ALDH1L1: variants seen among roughly 807,000 people sequenced by gnomAD.
ALDH1L1 encodes cytosolic 10-formyltetrahydrofolate dehydrogenase.
ALDH1L1 carries 68 observed loss-of-function variants against 101.1 expected under a neutral mutation model. The ratio of observed to expected loss-of-function variants is 0.67; its 90% confidence interval spans 0.55 to 0.82. The LOEUF (loss-of-function observed/expected upper bound fraction) is 0.82, where lower values mean the gene tolerates loss of function less well. Among genes scored for constraint, ALDH1L1 ranks in the 40% least tolerant of loss-of-function variants. ALDH1L1 has a pLI of 0.00. For missense variants in ALDH1L1, 1,087 were observed against 1,172.7 expected, an observed-to-expected ratio of 0.93 and a Z score of 1.07; for synonymous variants, 486 against 470.8, an observed-to-expected ratio of 1.03 and a Z score of -0.42.
upstream of ALDH1L1, chr3:126,180,736 T>C: frequency 1.4e-6 from 2 of 1,418,726 alleles, no homozygotes; most frequent in East Asian, 2.5e-5. Context: ...GGTCTATAAA[T>C]GCCATGTAAA....
intron 3 of ALDH1L1, among the ~76,000 whole-genome samples, chr3:126,158,152 A>G (rs372233707): frequency 1.2e-4 from 19 of 152,202 alleles, no homozygotes; most frequent in African/African-American, 3.9e-4. Context: ...GAACACTGAC[A>G]GTGCCAGCTT....
chr3:126,119,398 G>A (rs544546494), intron 16 of ALDH1L1, among the ~76,000 whole-genome samples: 5 of 152,172 alleles, frequency 3.3e-5, no homozygotes, highest in Non-Finnish European at 7.3e-5. Flanking sequence ...CTCCATTTCA[G>A]TAAACAACTT....
intron 1 of ALDH1L1, among the ~76,000 whole-genome samples, chr3:126,163,095 G>A (rs1335970522): frequency 6.6e-6 from 1 of 152,190 alleles, no homozygotes; most frequent in East Asian, 1.9e-4. Flanking sequence ...CTACCTAGTA[G>A]TTGTGAAGTG....
At chr3:126,114,448 C>T (rs1946172445) in intron 18 of ALDH1L1, 109 bp downstream of exon 18, 1 of 894,382 alleles carries the variant, frequency 1.1e-6, no homozygotes, top group African/African-American at 1.7e-5. Context: ...ATGGACTCCA[C>T]CAGGGCTACA....
intron 1 of ALDH1L1, among the ~76,000 whole-genome samples, chr3:126,188,182 T>TGTGCG (rs2108352781): frequency 6.6e-6 from 1 of 152,388 alleles, no homozygotes; most frequent in South Asian, 2.1e-4. Context: ...CAACGCAGGT[T>TGTGCG]GGACCTGTGC....
At position 126,110,427 on chromosome 3, in the gene ALDH1L1, C is replaced by T. The variant is rs77728363; in HGVS notation, c.2182-318G>A. 2,352 of 358,676 alleles carry T rather than the reference C, an allele frequency of 6.6e-3. 52 individuals carry two copies. Among genetic ancestry groups the T allele is most frequent in the African/African-American group, 0.044 (2,141 of 48,522 alleles). The allele number at this position is 358,676 out of a possible 1,614,324, so 22.2% of individuals were successfully genotyped here. ...AGTTGAGATGGGGCTCAATACAACA[C>T]GTATCTGACTCTGGTCCTGCACCAG... On this transcript the variant is annotated intron_variant, in intron 19 of 22. Coordinates refer to ENST00000393434, the MANE Select transcript of ALDH1L1 (RefSeq NM_012190.4).
chr3:126,143,193 T>C (rs1234052905), intron 9 of ALDH1L1, among the ~76,000 whole-genome samples: 2 of 152,232 alleles, frequency 1.3e-5, no homozygotes, highest in African/African-American at 2.4e-5. Flanking sequence ...ACACAAAGCA[T>C]AATTTCTACT....
intron 13 of ALDH1L1, among the ~76,000 whole-genome samples, chr3:126,131,054 C>T (rs962478478): frequency 6.6e-6 from 1 of 152,206 alleles, no homozygotes; most frequent in African/African-American, 2.4e-5. Context: ...CCAGGAAGGA[C>T]CTGCGGCCTC....
intron 1 of ALDH1L1, among the ~76,000 whole-genome samples, chr3:126,174,310 G>A (rs142202471): frequency 0.015 from 2,272 of 152,294 alleles, 63 homozygotes; most frequent in African/African-American, 0.051. Flanking sequence ...TATTACAGGC[G>A]TAAGCCACCG....
At chr3:126,153,921 G>T (rs1004850059) in intron 6 of ALDH1L1, among the ~76,000 whole-genome samples, 1 of 152,254 alleles carries the variant, frequency 6.6e-6, no homozygotes, top group African/African-American at 2.4e-5. Flanking sequence ...TCAGGGTGCT[G>T]CCAAGGAGTG....
In ALDH1L1 at chr3:126,103,972, A is replaced by C. The variant is rs1945769106; in HGVS notation, c.2654-126T>G. 3 of 1,061,008 alleles carry C rather than the reference A, an allele frequency of 2.8e-6. No homozygotes were observed. The East Asian group carries it at 7.8e-5, about 28-fold the overall frequency. The allele number at this position is 1,061,008 out of a possible 1,614,324, so 65.7% of individuals were successfully genotyped here. ...TGGCTCACCCCACTTCCAGGTGAGA[A>C]GTCGAGGCCCAGCGAGGTCATGAAT... On this transcript the variant is annotated intron_variant, in intron 22 of 22. Transcript: ENST00000393434.
At position 126,114,651 on chromosome 3, in the gene ALDH1L1, GC is replaced by G; in HGVS notation, c.1987del (p.Ala663ProfsTer2). 2.0e-6 allele frequency: 3 copies of G among 1,525,716 alleles called. No individual in the cohort carries two copies. The South Asian group carries it at 3.9e-5, about 20-fold the overall frequency. 94.5% of individuals were successfully genotyped at this position (1,525,716 alleles called of 1,614,324 possible). A position where few individuals can be genotyped will look rare whatever the true frequency, so the allele number is the denominator to read the frequency against. On this transcript the variant is annotated frameshift_variant, in exon 18 of 23. Transcript: ENST00000393434. LOFTEE classifies it high-confidence loss of function. ...GGACACCTTCTTCACGTTACTTATG[GC>G]ACAGCTGCAAGGAACAGAGGGCTGG... ...EVGKHIMKSCAISNVKKVSLE... is the reference protein window; with the variant it reads ...EVGKHIMKSCXISNVKKVSLE...
upstream of ALDH1L1, chr3:126,181,195 C>T (rs1358723761): frequency 1.6e-6 from 1 of 619,256 alleles, no homozygotes; most frequent in Admixed American, 2.8e-5. Flanking sequence ...GACCCCTCCT[C>T]CTGGTTCCCA....
intron 1 of ALDH1L1, among the ~76,000 whole-genome samples, chr3:126,188,132 G>A (rs2081531673): frequency 6.6e-6 from 1 of 152,194 alleles, no homozygotes; most frequent in Non-Finnish European, 1.5e-5. Context: ...CTAACTGAAA[G>A]TCAGATATTT....
At chr3:126,173,152 T>C (rs2081312704) in intron 1 of ALDH1L1, among the ~76,000 whole-genome samples, 2 of 152,178 alleles carry the variant, frequency 1.3e-5, no homozygotes, top group Non-Finnish European at 2.9e-5. Context: ...AAACTCAACA[T>C]ACAAAAGAGT....
rs759108505 is a variant in ALDH1L1 at position 126,146,906 on chromosome 3, G to A, written c.1005C>T (p.Leu335=). 6.2e-7 allele frequency: 1 copy of A among 1,613,984 alleles called. No individual in the cohort carries two copies. Among genetic ancestry groups the A allele is most frequent in the South Asian group, 1.1e-5 (1 of 90,970 alleles). Residue 335 remains leucine (L), a synonymous_variant, in exon 9 of 23, where the codon CTC becomes CTT. Transcript: ENST00000393434. The part of the protein sequence containing the change: ...EAVRSVWQRI[L]PKVLEVEDST... ...AGTCTTCAACCTCCAGGACTTTGGG[G>A]AGGATCCGCTGCCAAACACTCTGCA...
At chr3:126,191,928 G>T (rs1184076419) in intron 1 of ALDH1L1, among the ~76,000 whole-genome samples, 3 of 152,130 alleles carry the variant, frequency 2.0e-5, no homozygotes, top group Non-Finnish European at 2.9e-5. Flanking sequence ...GTCAAGTCCT[G>T]GTGTAATGCC....
chr3:126,133,504 C>T (rs2080356980), intron 12 of ALDH1L1, among the ~76,000 whole-genome samples: 1 of 152,222 alleles, frequency 6.6e-6, no homozygotes, highest in Admixed American at 6.5e-5. Context: ...TAGATAATTC[C>T]ACCTGTGTGT....
chr3:126,162,960 C>G (rs2081091282), intron 1 of ALDH1L1, among the ~76,000 whole-genome samples: 1 of 152,182 alleles, frequency 6.6e-6, no homozygotes, highest in South Asian at 2.1e-4. Context: ...TGAAAAGGAT[C>G]ATACATGTAC....
Sources: allele counts gnomAD v4.1 joint callset (sites outside exome capture counted in the v4.1 genomes callset), GRCh38; gene constraint gnomAD v4.1.1; transcripts MANE v1.5; gene names NCBI Gene and HGNC (gene_info 2026-07-23, HGNC 2026-07-21).